Variants in LTBP2 observed in about 807,000 individuals in gnomAD.
The protein encoded by LTBP2 is latent transforming growth factor beta binding protein 2.
In LTBP2, 103 loss-of-function variants were observed where a neutral mutation model predicts 210.6. That is an observed-to-expected ratio of 0.49 (90% CI 0.42 to 0.58). The LOEUF is 0.58. Ranked by LOEUF, LTBP2 falls within the 20% of genes least tolerant of loss-of-function variation. LTBP2 has a pLI of 0.00. For synonymous variants in LTBP2, 1,007 were observed against 1,015.0 expected (o/e 0.99, Z 0.15); for missense variants, 2,313 against 2,494.5 (o/e 0.93, Z 1.55).
rs142023737 is a variant in LTBP2, at chr14:74,508,634, C to G, written c.3622G>C (p.Val1208Leu). Residue 1208 changes from valine (V) to leucine (L), a missense_variant, in exon 24 of 36, where the codon GTC becomes CTC. Physicochemically the swap from Val to Leu is conservative, Grantham distance 32 (BLOSUM62 1). This residue lies in a region of LTBP2 where 1,867 missense variants were observed against 1,976.9 expected (regional missense o/e 0.94). Coordinates refer to ENST00000261978, the MANE Select transcript of LTBP2 (RefSeq NM_000428.3). Reference protein sequence around the residue: ...SFFCLCAPGFVSAEGGTSCQD... With the variant: ...SFFCLCAPGFLSAEGGTSCQD... ...CAGCTGGTGCCCCCCTCTGCGCTGA[C>G]GAAGCCAGGCGCGCACAGACAGAAG... 4 of 1,611,478 alleles carry G rather than the reference C, an allele frequency of 2.5e-6. No homozygotes were observed. The highest frequency in any genetic ancestry group is 1.7e-5 in the Admixed American group (1 of 60,022).
intron 3 of LTBP2, among the ~76,000 whole-genome samples, chr14:74,578,129 G>C (rs987319123): frequency 2.6e-5 from 4 of 152,020 alleles, no homozygotes; most frequent in African/African-American, 9.7e-5. Flanking sequence ...CCTTCAGGTG[G>C]GCCCACAACC....
chr14:74,503,877 T>C, intron 31 of LTBP2, 49 bp downstream of exon 31: 1 of 1,611,566 alleles, frequency 6.2e-7, no homozygotes, highest in Non-Finnish European at 8.5e-7. Flanking sequence ...GGTGGGCCAT[T>C]ATTCAGCTGT....
At chr14:74,514,879 T>C (rs946901997) in intron 18 of LTBP2, among the ~76,000 whole-genome samples, 1 of 152,108 alleles carries the variant, frequency 6.6e-6, no homozygotes, top group Admixed American at 6.6e-5. Context: ...CCTGGAGAAG[T>C]GTGCGGGCTA....
intron 3 of LTBP2, among the ~76,000 whole-genome samples, chr14:74,573,471 G>A (rs1427629726): frequency 6.6e-6 from 1 of 152,236 alleles, no homozygotes; most frequent in Non-Finnish European, 1.5e-5. Context: ...GGTGAGTGGA[G>A]GTGCAGATCC....
chr14:74,506,576 C>T, intron 27 of LTBP2, 122 bp downstream of exon 27: 1 of 1,478,794 alleles, frequency 6.8e-7, no homozygotes, highest in Non-Finnish European at 9.3e-7. Flanking sequence ...TTCTTTGAAG[C>T]CTCCCTTGCC....
intron 18 of LTBP2, among the ~76,000 whole-genome samples, chr14:74,514,921 T>C (rs867649032): frequency 5.3e-5 from 8 of 152,290 alleles, no homozygotes; most frequent in Middle Eastern, 3.4e-3. Context: ...ACTCGGAGTG[T>C]CTGCCCTGGG....
intron 3 of LTBP2, among the ~76,000 whole-genome samples, chr14:74,563,971 G>A (rs2087831348): frequency 7.8e-6 from 1 of 127,710 alleles, no homozygotes; most frequent in South Asian, 2.3e-4. Flanking sequence ...TACGTATGTG[G>A]CAGGGTGGAG....
intron 8 of LTBP2, among the ~76,000 whole-genome samples, chr14:74,548,164 C>A (rs1747619891): frequency 6.6e-6 from 1 of 151,178 alleles, no homozygotes; most frequent in South Asian, 2.1e-4. Flanking sequence ...GTGCACTGCA[C>A]AAAAGCACCA....
At chr14:74,516,770 G>A (rs2087139578) in intron 18 of LTBP2, 52 bp downstream of exon 18, 1 of 1,541,448 alleles carries the variant, frequency 6.5e-7, no homozygotes, top group East Asian at 2.5e-5. Flanking sequence ...GCGTAGGGAG[G>A]GACAGGTGGG....
intron 2 of LTBP2, among the ~76,000 whole-genome samples, chr14:74,598,852 C>T (rs78471099): frequency 0.017 from 2,659 of 152,284 alleles, 82 homozygotes; most frequent in African/African-American, 0.061. Flanking sequence ...CACACATTTA[C>T]TCATTTATCA....
At chr14:74,604,673 T>C (rs1377245913) in intron 1 of LTBP2, among the ~76,000 whole-genome samples, 1 of 151,932 alleles carries the variant, frequency 6.6e-6, no homozygotes, top group African/African-American at 2.4e-5. Context: ...ATATTCTTAA[T>C]AGAGATGGGG....
chr14:74,598,217 G>T (rs1292787529), intron 2 of LTBP2, among the ~76,000 whole-genome samples: 2 of 152,194 alleles, frequency 1.3e-5, no homozygotes, highest in African/African-American at 2.4e-5. Flanking sequence ...TCATGAATGG[G>T]GCAAACAGGC....
chr14:74,509,127 G>A (rs1185605291), intron 22 of LTBP2, 111 bp downstream of exon 22: 19 of 1,576,154 alleles, frequency 1.2e-5, no homozygotes, highest in African/African-American at 2.7e-5. Context: ...CTTGGGGAGC[G>A]GGATGATGGC....
At chr14:74,547,865 C>T (rs1450660735) in intron 8 of LTBP2, among the ~76,000 whole-genome samples, 2 of 152,140 alleles carry the variant, frequency 1.3e-5, no homozygotes, top group Non-Finnish European at 2.9e-5. Context: ...CTTGGGAGCC[C>T]TGGCCCCACC....
intron 16 of LTBP2, among the ~76,000 whole-genome samples, chr14:74,522,358 G>T (rs1022755811): frequency 5.3e-5 from 8 of 152,044 alleles, no homozygotes; most frequent in Non-Finnish European, 8.8e-5. Context: ...TGAAAATATT[G>T]GGGGGAGGAG....
In LTBP2 at chr14:74,548,771, T is replaced by G. The variant is rs138182550; in HGVS notation, c.1789+1092A>C. Among the ~76,000 whole-genome samples the G allele has an allele frequency of 2.3e-4, 35 of 152,310 alleles. 1 individual carries two copies. In the East Asian group the frequency reaches 6.0e-3, roughly 26 times the overall value. ...AGCATGTGCATCATTTCATTTAATCTCTACAGCAGTCTACGAGGCTGGCAC... is the reference window on the plus strand; with the variant it reads ...AGCATGTGCATCATTTCATTTAATCGCTACAGCAGTCTACGAGGCTGGCAC... On this transcript the variant is annotated intron_variant, in intron 8 of 35. Transcript: ENST00000261978.
At position 74,511,342 on chromosome 14, in the gene LTBP2, G is replaced by A. The variant is rs562664364; in HGVS notation, c.2931C>T (p.Pro977=). ...HCQDINECRH[P]GTCPDGRCVN... ...CGCATCTCCCATCAGGGCAGGTACC[G>A]GGGTGACGGCATTCGTTGATATCTG... is the stretch of plus-strand genomic sequence containing the variant. Residue 977 remains proline, a synonymous_variant, in exon 19 of 36, where the codon CCC becomes CCT. Transcript: ENST00000261978. 3.4e-5 allele frequency: 55 copies of A among 1,614,040 alleles called. No individual in the cohort carries two copies. Among genetic ancestry groups the A allele is most frequent in the South Asian group, 7.7e-5 (7 of 91,080 alleles).
chr14:74,528,456 C>T (rs757300460), intron 12 of LTBP2, 27 bp downstream of exon 12: 2 of 1,610,940 alleles, frequency 1.2e-6, no homozygotes, highest in Admixed American at 1.7e-5. Flanking sequence ...AGGAAAATCC[C>T]TCAGGCATCT....
At chr14:74,555,828 G>C in intron 3 of LTBP2, 135 bp from the exon 4 acceptor site, 1 of 575,094 alleles carries the variant, frequency 1.7e-6, no homozygotes, top group African/African-American at 1.9e-5. Context: ...ATGTATGGCT[G>C]ACTCCCAGAC....
Sources: allele counts gnomAD v4.1 joint callset (sites outside exome capture counted in the v4.1 genomes callset), GRCh38; gene constraint gnomAD v4.1.1; regional missense constraint gnomAD v4.1.1; transcripts MANE v1.5; gene names NCBI Gene and HGNC (gene_info 2026-07-23, HGNC 2026-07-21).